Variants in NRG3 observed in about 807,000 individuals in gnomAD.
NRG3 encodes the protein pro-neuregulin-3, membrane-bound isoform.
NRG3 carries 31 observed loss-of-function variants against 66.9 expected under a neutral mutation model. The observed-to-expected ratio is 0.46, with a 90% CI of 0.35 to 0.63. The LOEUF is 0.63. NRG3 is among the 20% of genes least tolerant of loss of function. The pLI is 0.00. For missense variants in NRG3, 910 were observed against 878.9 expected (o/e 1.04, Z -0.45); for synonymous variants, 393 against 359.4 (o/e 1.09, Z -1.06).
chr10:82,846,992 C>G (rs1347299010), intron 3 of NRG3, among the ~76,000 whole-genome samples: 1 of 152,096 alleles, frequency 6.6e-6, no homozygotes, highest in Admixed American at 6.6e-5. Flanking sequence ...GTGGGAAGTA[C>G]AGAGGTGTAG....
chr10:82,338,134 A>G (rs1457715866), intron 1 of NRG3, among the ~76,000 whole-genome samples: 1 of 152,158 alleles, frequency 6.6e-6, no homozygotes, highest in Non-Finnish European at 1.5e-5. Context: ...AACATAAAAA[A>G]CTTTTATGGA....
At chr10:82,841,229 C>A (rs1249466661) in intron 3 of NRG3, among the ~76,000 whole-genome samples, 1 of 152,026 alleles carries the variant, frequency 6.6e-6, no homozygotes, top group Non-Finnish European at 1.5e-5. Context: ...GGAGTATGGC[C>A]CTGCTAACCC....
intron 1 of NRG3, among the ~76,000 whole-genome samples, chr10:82,036,051 T>C (rs2062778775): frequency 6.6e-6 from 1 of 152,004 alleles, no homozygotes; most frequent in South Asian, 2.1e-4. Context: ...TGCCATGGAG[T>C]CTGGGACTGT....
At chr10:82,939,652 G>T (rs1445506768) in intron 4 of NRG3, among the ~76,000 whole-genome samples, 1 of 151,860 alleles carries the variant, frequency 6.6e-6, no homozygotes, top group Non-Finnish European at 1.5e-5. Context: ...CGTATTTTTA[G>T]TAGAGATGGG....
At chr10:82,479,655 A>C (rs1432481993) in intron 2 of NRG3, among the ~76,000 whole-genome samples, 1 of 114,640 alleles carries the variant, frequency 8.7e-6, no homozygotes, top group Non-Finnish European at 1.7e-5. Flanking sequence ...CAAGAGCAAA[A>C]CTCTGTCTCA....
intron 2 of NRG3, among the ~76,000 whole-genome samples, chr10:82,389,574 A>G (rs2086220315): frequency 6.6e-6 from 1 of 152,174 alleles, no homozygotes; most frequent in Non-Finnish European, 1.5e-5. Context: ...AAAAATACAA[A>G]CATTGGTGTG....
intron 2 of NRG3, among the ~76,000 whole-genome samples, chr10:82,620,358 G>A (rs1179274711): frequency 1.3e-5 from 2 of 152,128 alleles, no homozygotes; most frequent in African/African-American, 4.8e-5. Context: ...GAAGGATAAT[G>A]GAGGTAGATA....
chr10:82,923,401 G>A (rs1249034793), intron 4 of NRG3, among the ~76,000 whole-genome samples: 2 of 152,100 alleles, frequency 1.3e-5, no homozygotes, highest in Admixed American at 6.6e-5. Context: ...TCCAAAGCCT[G>A]GATTATGTAC....
At chr10:82,355,332 A>G (rs938053908) in intron 1 of NRG3, among the ~76,000 whole-genome samples, 2 of 152,220 alleles carry the variant, frequency 1.3e-5, no homozygotes, top group African/African-American at 4.8e-5. Context: ...GTGCCACCTT[A>G]GGGCACAGAA....
chr10:82,694,191 T>G (rs1384339422), intron 2 of NRG3, among the ~76,000 whole-genome samples: 1 of 151,638 alleles, frequency 6.6e-6, no homozygotes, highest in Non-Finnish European at 1.5e-5. Flanking sequence ...GAGTGCTGAT[T>G]GGTGCATTTA....
intron 1 of NRG3, among the ~76,000 whole-genome samples, chr10:81,884,327 C>CT (rs1842426479): frequency 6.6e-6 from 1 of 152,182 alleles, no homozygotes; most frequent in South Asian, 2.1e-4. Context: ...ATGGAGGAAT[C>CT]TAACTAGAGA....
chr10:82,592,186 G>A (rs1239668930), intron 2 of NRG3, among the ~76,000 whole-genome samples: 1 of 152,168 alleles, frequency 6.6e-6, no homozygotes, highest in Non-Finnish European at 1.5e-5. Flanking sequence ...ATATAGTTCA[G>A]AGAGCTTCCA....
chr10:82,643,491 T>A lies in NRG3; in HGVS notation c.954-95086T>A, dbSNP rs542915790. Reference sequence around the variant, plus strand: ...GGCTCGGGTATGTATTTATCAGCAGTGTGAAAACTGACTGATACCACATGA... The same window carrying A: ...GGCTCGGGTATGTATTTATCAGCAGAGTGAAAACTGACTGATACCACATGA... On this transcript the variant is annotated intron_variant, in intron 2 of 8. Transcript: ENST00000372141. Among the ~76,000 whole-genome samples the A allele has an allele frequency of 3.3e-5, 5 of 152,196 alleles. No homozygotes were observed. In the South Asian group the frequency reaches 1.0e-3, roughly 32 times the overall value.
intron 1 of NRG3, among the ~76,000 whole-genome samples, chr10:82,243,447 A>G (rs1426435353): frequency 6.6e-6 from 1 of 152,166 alleles, no homozygotes; most frequent in Non-Finnish European, 1.5e-5. Context: ...AAAATTTTAA[A>G]AAGACAAGCT....
intron 2 of NRG3, among the ~76,000 whole-genome samples, chr10:82,705,754 A>G (rs557182629): frequency 9.5e-6 from 1 of 104,740 alleles, no homozygotes; most frequent in African/African-American, 2.6e-5. Flanking sequence ...GAGAAAATCT[A>G]TCCAAGTGAT....
At chr10:82,194,844 A>G (rs12220854) in intron 1 of NRG3, among the ~76,000 whole-genome samples, 16,291 of 152,170 alleles carry the variant, frequency 0.11, 1,333 homozygotes, top group East Asian at 0.37. Flanking sequence ...ATCAAGAAAG[A>G]CTAAGGAAGA....
intron 2 of NRG3, among the ~76,000 whole-genome samples, chr10:82,460,965 G>C (rs2091485061): frequency 6.6e-6 from 1 of 152,198 alleles, no homozygotes; most frequent in East Asian, 1.9e-4. Flanking sequence ...AGGTTTCTAA[G>C]TTATACTTCT....
intron 2 of NRG3, among the ~76,000 whole-genome samples, chr10:82,651,427 A>C (rs2133891612): frequency 6.6e-6 from 1 of 152,360 alleles, no homozygotes; most frequent in South Asian, 2.1e-4. Flanking sequence ...GAGACTTCCA[A>C]GACTGGGTCA....
chr10:82,276,729 C>T (rs767670684), intron 1 of NRG3, among the ~76,000 whole-genome samples: 3 of 151,910 alleles, frequency 2.0e-5, no homozygotes, highest in Non-Finnish European at 2.9e-5. Flanking sequence ...TGTAATTCTT[C>T]TTATGTGGTC....
Sources: allele counts gnomAD v4.1 joint callset (sites outside exome capture counted in the v4.1 genomes callset), GRCh38; gene constraint gnomAD v4.1.1; transcripts MANE v1.5; gene names NCBI Gene and HGNC (gene_info 2026-07-23, HGNC 2026-07-21).